The following EFCAB8 variants were observed in gnomAD, a reference collection of about 807,000 sequenced individuals.
The protein encoded by EFCAB8 is EF-hand calcium binding domain 8.
EFCAB8 carries 100 observed loss-of-function variants against 116.3 expected under a neutral mutation model. The ratio of observed to expected loss-of-function variants is 0.86; its 90% CI spans 0.73 to 1.02. The LOEUF (loss-of-function observed/expected upper bound fraction) is 1.02. Among genes scored for constraint, EFCAB8 ranks in the 50% least tolerant of loss-of-function variants. EFCAB8 has a pLI of 0.00. For synonymous variants in EFCAB8, 558 were observed against 567.9 expected (o/e 0.98, Z 0.25); for missense variants, 1,320 against 1,416.9 (o/e 0.93, Z 1.10).
At chr20:32,888,885 C>T (rs1178736913) in intron 6 of EFCAB8, among the ~76,000 whole-genome samples, 1 of 151,798 alleles carries the variant, frequency 6.6e-6, no homozygotes, top group Admixed American at 6.6e-5. Context: ...TGCAAACACA[C>T]CCATAGAAAT....
chr20:32,914,801 G>A (rs1987107920), intron 17 of EFCAB8, among the ~76,000 whole-genome samples: 1 of 152,166 alleles, frequency 6.6e-6, no homozygotes, highest in African/African-American at 2.4e-5. Context: ...ATGAGGTTTG[G>A]GTGGGGACAC....
rs1416330346 is a variant in EFCAB8, at chr20:32,930,526, C to T, written c.2541C>T (p.Asp847=). ...GCCTGCTGGGGAAGTTCCCTGTGGACCTAGACAATGGGGATGTTGTCGTGG... is the reference window on the plus strand; with the variant it reads ...GCCTGCTGGGGAAGTTCCCTGTGGATCTAGACAATGGGGATGTTGTCGTGG... ...NGGLLGKFPV[D]LDNGDVVVGA... is the part of the protein sequence containing the mutation. Residue 847 remains aspartate (D), a synonymous_variant, in exon 21 of 27, where the codon GAC becomes GAT. Transcript: ENST00000400522. 1.1e-5 allele frequency: 17 copies of T among 1,552,220 alleles called. No homozygotes were observed. Among genetic ancestry groups the T allele is most frequent in the Non-Finnish European group, 1.3e-5 (15 of 1,147,140 alleles).
chr20:32,922,623 A>G (rs1010630600), intron 20 of EFCAB8, among the ~76,000 whole-genome samples: 22 of 152,152 alleles, frequency 1.4e-4, no homozygotes, highest in African/African-American at 5.3e-4. Context: ...ACATGGGAGG[A>G]GATGGCATTG....
At chr20:32,859,827 T>C (rs1373474754) in intron 1 of EFCAB8, among the ~76,000 whole-genome samples, 2 of 152,236 alleles carry the variant, frequency 1.3e-5, no homozygotes, top group Middle Eastern at 3.2e-3. Context: ...AACATTAATA[T>C]GCTATCTAAT....
At chr20:32,909,683 G>C (rs1986829718) in intron 14 of EFCAB8, 138 bp from the exon 15 acceptor site, 1 of 414,278 alleles carries the variant, frequency 2.4e-6, no homozygotes, top group Non-Finnish European at 4.3e-6. Context: ...GAGGAACCTG[G>C]AGTCTTGCTG....
At chr20:32,942,057 T>C (rs1466767878) in intron 22 of EFCAB8, among the ~76,000 whole-genome samples, 1 of 152,234 alleles carries the variant, frequency 6.6e-6, no homozygotes, top group Non-Finnish European at 1.5e-5. Context: ...AGAAGGTTTA[T>C]ACAGTTTTGC....
chr20:32,876,042 T>C lies in EFCAB8; in HGVS notation c.325T>C (p.Trp109Arg). ...VDSDCEGFVT[W>R]QKYVDYMMRE... ...CTCGGACTGTGAAGGCTTTGTCACC[T>C]GGGTGAGGAGGGTGCCCCTGCTTCC... is the stretch of plus-strand genomic sequence containing the variant. Residue 109 changes from tryptophan to arginine, a missense_variant and splice_region_variant, in exon 4 of 27, where the codon TGG becomes CGG. Trp to Arg is a moderately radical substitution (Grantham distance 101). Transcript: ENST00000400522. 6.4e-7 allele frequency: 1 copy of C among 1,551,800 alleles called. No homozygotes were observed. The highest frequency in any genetic ancestry group is 8.7e-7 in the Non-Finnish European group (1 of 1,146,990).
chr20:32,931,320 C>G lies in EFCAB8; in HGVS notation c.2774C>G (p.Pro925Arg), dbSNP rs774323322. ...QLGTNFPHYI[P>R]LEDKEVVAGH... ...GGGACCAACTTCCCACACTACATTCCCTTGGAGGATAAAGAGGTAGGAGGA... is the reference window on the plus strand; with the variant it reads ...GGGACCAACTTCCCACACTACATTCGCTTGGAGGATAAAGAGGTAGGAGGA... The change falls in exon 22 of 27, where the codon CCC (proline) becomes CGC (arginine). Residue 925 changes from proline (P) to arginine (R), a missense_variant. Transcript: ENST00000400522. 6.5e-7 allele frequency: 1 copy of G among 1,545,984 alleles called. No homozygotes were observed. Among genetic ancestry groups the G allele is most frequent in the Non-Finnish European group, 8.7e-7 (1 of 1,144,532 alleles).
chr20:32,888,981 G>C (rs1318197308), intron 6 of EFCAB8, among the ~76,000 whole-genome samples: 1 of 151,590 alleles, frequency 6.6e-6, no homozygotes, highest in Admixed American at 6.6e-5. Flanking sequence ...GGGCGGACAG[G>C]GTCTCACTCT....
intron 23 of EFCAB8, 67 bp downstream of exon 23, chr20:32,943,871 A>G (rs1988491023): frequency 4.8e-6 from 2 of 415,110 alleles, no homozygotes; most frequent in Non-Finnish European, 8.8e-6. Context: ...TCTGAACATA[A>G]GCTGGTATGA....
chr20:32,875,374 C>A lies in EFCAB8; in HGVS notation c.209-552C>A, dbSNP rs189875714. Reference sequence around the variant, plus strand: ...AGGTTTGAGGGGCTGGAGGAGGCAGCCTCCTAAGGGCCCCGTCTTTGGCTG... The same window carrying A: ...AGGTTTGAGGGGCTGGAGGAGGCAGACTCCTAAGGGCCCCGTCTTTGGCTG... On this transcript the variant is annotated intron_variant, in intron 3 of 26. Transcript: ENST00000400522. Among the ~76,000 whole-genome samples, 51 of 152,208 alleles carry A rather than the reference C, an allele frequency of 3.4e-4. No individual in the cohort carries two copies. In the East Asian group the frequency reaches 9.3e-3, roughly 28 times the overall value.
chr20:32,951,015 G>A (rs1368148165), intron 23 of EFCAB8, among the ~76,000 whole-genome samples: 1 of 152,162 alleles, frequency 6.6e-6, no homozygotes, highest in Non-Finnish European at 1.5e-5. Flanking sequence ...CATTAGAAGA[G>A]AAATACTAAT....
intron 20 of EFCAB8, among the ~76,000 whole-genome samples, chr20:32,926,313 T>C (rs1987666912): frequency 6.6e-6 from 1 of 152,252 alleles, no homozygotes; most frequent in African/African-American, 2.4e-5. Context: ...AAGCACATCC[T>C]TTAAAATGAC....
At chr20:32,951,160 G>C (rs1988785772) in intron 23 of EFCAB8, among the ~76,000 whole-genome samples, 1 of 152,180 alleles carries the variant, frequency 6.6e-6, no homozygotes, top group Admixed American at 6.5e-5. Context: ...AAAGTTAAAT[G>C]TGCCCCTATG....
chr20:32,883,647 T>C (rs2146199522), intron 5 of EFCAB8, among the ~76,000 whole-genome samples: 1 of 152,306 alleles, frequency 6.6e-6, no homozygotes, highest in Non-Finnish European at 1.5e-5. Context: ...ACTGTACATT[T>C]TGGCATGAAC....
rs367935823 is a variant in EFCAB8, at chr20:32,892,983, G to A, written c.759-191G>A. ...AGCCTCCTGAGTAGCTGGGATTACT[G>A]GTGCCCGCCACCACGCTTGGCTAAT... On this transcript the variant is annotated intron_variant, in intron 8 of 26. Transcript: ENST00000400522. Among the ~76,000 whole-genome samples the A allele has an allele frequency of 4.6e-5, 7 of 152,140 alleles. No individual in the cohort carries two copies. The East Asian group carries it at 5.8e-4, about 13-fold the overall frequency.
chr20:32,909,876 G>A lies in EFCAB8; in HGVS notation c.1502G>A (p.Arg501Lys), dbSNP rs78951406. ...CAGGGGCTTATCAAAGCAAGGAAGAGGACCACTCATTGCTCACCCCTGTGT... is the reference window on the plus strand; with the variant it reads ...CAGGGGCTTATCAAAGCAAGGAAGAAGACCACTCATTGCTCACCCCTGTGT... ...EAQGLIKARKRTTHCSPLCAV... is the reference protein window; with the variant it reads ...EAQGLIKARKKTTHCSPLCAV... Residue 501 changes from arginine to lysine, a missense_variant, in exon 15 of 27, where the codon AGG becomes AAG. Coordinates refer to ENST00000400522, the MANE Select transcript of EFCAB8 (RefSeq NM_001143967.2). 1.1e-4 allele frequency: 143 copies of A among 1,249,740 alleles called. No individual in the cohort carries two copies. The highest frequency in any genetic ancestry group is 1.4e-4 in the Non-Finnish European group (140 of 988,278). 77.4% of individuals were successfully genotyped at this position (1,249,740 alleles called of 1,614,324 possible). A position where few individuals can be genotyped will look rare whatever the true frequency, so the allele number is the denominator to read the frequency against.
intron 1 of EFCAB8, among the ~76,000 whole-genome samples, chr20:32,860,946 C>A (rs1275956545): frequency 6.6e-6 from 1 of 151,972 alleles, no homozygotes; most frequent in Non-Finnish European, 1.5e-5. Flanking sequence ...CACCATGTTG[C>A]CCAGGCTGGT....
At chr20:32,864,880 G>T (rs1301940105) in intron 2 of EFCAB8, among the ~76,000 whole-genome samples, 1 of 152,222 alleles carries the variant, frequency 6.6e-6, no homozygotes, top group Non-Finnish European at 1.5e-5. Context: ...GTCATTTATT[G>T]TGTAATTACA....
Sources: allele counts gnomAD v4.1 joint callset (sites outside exome capture counted in the v4.1 genomes callset), GRCh38; gene constraint gnomAD v4.1.1; transcripts MANE v1.5; gene names NCBI Gene and HGNC (gene_info 2026-07-23, HGNC 2026-07-21).